The following AUTS2 variants were observed in gnomAD, a reference collection of about 807,000 sequenced individuals.
AUTS2 encodes the protein activator of transcription and developmental regulator AUTS2.
A neutral mutation model predicts 112.4 loss-of-function variants in AUTS2; 17 were observed. The observed-to-expected ratio is 0.15, with a 90% CI of 0.10 to 0.23. The LOEUF is 0.23. Ranked by LOEUF, AUTS2 falls within the 10% of genes least tolerant of loss-of-function variation. AUTS2 has a pLI of 1.00. For synonymous variants in AUTS2, 751 were observed against 702.7 expected (o/e 1.07, Z -1.09); for missense variants, 1,510 against 1,701.6 (o/e 0.89, Z 1.98).
chr7:69,959,485 T>G (rs1255878193), intron 2 of AUTS2, among the ~76,000 whole-genome samples: 3 of 152,154 alleles, frequency 2.0e-5, no homozygotes, highest in Non-Finnish European at 4.4e-5. Flanking sequence ...TCCTAGGTCT[T>G]TGACCTCCTC....
intron 1 of AUTS2, among the ~76,000 whole-genome samples, chr7:69,790,150 A>G (rs1584250603): frequency 6.6e-6 from 1 of 151,976 alleles, no homozygotes; most frequent in East Asian, 1.9e-4. Flanking sequence ...AAATGGCTGA[A>G]TGTGGTGGCA....
intron 5 of AUTS2, among the ~76,000 whole-genome samples, chr7:70,679,059 A>G (rs1437204595): frequency 2.0e-5 from 3 of 152,200 alleles, no homozygotes; most frequent in Non-Finnish European, 4.4e-5. Flanking sequence ...TGCATGGTAT[A>G]TGTAATCATA....
chr7:70,640,572 G>GGTGTGT (rs56257017), intron 5 of AUTS2, among the ~76,000 whole-genome samples: 2,123 of 150,184 alleles, frequency 0.014, 54 homozygotes, highest in East Asian at 0.085. Context: ...CAGAACTAAT[G>GGTGTGT]GTGTGTGTGT....
chr7:70,503,516 ATTTT>A (rs5884783), intron 5 of AUTS2, among the ~76,000 whole-genome samples: 2 of 120,178 alleles, frequency 1.7e-5, no homozygotes, highest in African/African-American at 3.2e-5. Flanking sequence ...CTCCCGTCTC[ATTTT>A]TTTTTTTTTT....
intron 4 of AUTS2, among the ~76,000 whole-genome samples, chr7:70,373,516 C>T (rs758487265): frequency 6.6e-6 from 1 of 152,098 alleles, no homozygotes; most frequent in Admixed American, 6.5e-5. Context: ...CAGGGGTAGG[C>T]ATTTTTCCCA....
chr7:69,828,840 CT>C (rs1259604847), intron 1 of AUTS2, among the ~76,000 whole-genome samples: 1 of 152,098 alleles, frequency 6.6e-6, no homozygotes, highest in Admixed American at 6.6e-5. Flanking sequence ...TTTCAGTATT[CT>C]TTCTGTAAGA....
intron 5 of AUTS2, among the ~76,000 whole-genome samples, chr7:70,534,331 A>G (rs1250422189): frequency 1.3e-5 from 2 of 152,176 alleles, no homozygotes; most frequent in Non-Finnish European, 2.9e-5. Flanking sequence ...AGATTTTTAC[A>G]TTTGAGATTT....
intron 1 of AUTS2, among the ~76,000 whole-genome samples, chr7:69,745,807 G>A (rs572136988): frequency 4.3e-4 from 66 of 152,214 alleles, no homozygotes; most frequent in Non-Finnish European, 9.0e-4. Flanking sequence ...TTCTGTGTGG[G>A]TTTAGTAGAT....
At chr7:70,604,301 G>A (rs1358434548) in intron 5 of AUTS2, among the ~76,000 whole-genome samples, 1 of 152,196 alleles carries the variant, frequency 6.6e-6, no homozygotes, top group African/African-American at 2.4e-5. Context: ...TGGGCCGAGA[G>A]CAAAGTGTCA....
chr7:70,530,889 T>G (rs577592954), intron 5 of AUTS2, among the ~76,000 whole-genome samples: 2 of 152,248 alleles, frequency 1.3e-5, no homozygotes, highest in South Asian at 4.1e-4. Flanking sequence ...TCTTTTTTCT[T>G]GTTCTTATTA....
intron 6 of AUTS2, among the ~76,000 whole-genome samples, chr7:70,750,834 T>C (rs192310650): frequency 1.1e-3 from 167 of 152,326 alleles, no homozygotes; most frequent in African/African-American, 3.7e-3. Context: ...AGGAAGGTGG[T>C]AGATGACGGA....
chr7:69,957,020 G>A (rs371781804), intron 2 of AUTS2, among the ~76,000 whole-genome samples: 1 of 151,242 alleles, frequency 6.6e-6, no homozygotes. Flanking sequence ...GGATCACCAC[G>A]CCTGACTAAG....
intron 5 of AUTS2, among the ~76,000 whole-genome samples, chr7:70,585,621 G>A (rs1339392317): frequency 6.6e-6 from 1 of 152,128 alleles, no homozygotes; most frequent in African/African-American, 2.4e-5. Flanking sequence ...GCCTCAAACA[G>A]CCCCAATTTA....
At chr7:70,707,566 G>A (rs1809804860) in intron 6 of AUTS2, among the ~76,000 whole-genome samples, 1 of 152,150 alleles carries the variant, frequency 6.6e-6, no homozygotes, top group Non-Finnish European at 1.5e-5. Context: ...GAAGACACTG[G>A]CAGGAACCCT....
chr7:70,716,523 C>T (rs535767078), intron 6 of AUTS2, among the ~76,000 whole-genome samples: 1 of 150,116 alleles, frequency 6.7e-6, no homozygotes, highest in East Asian at 2.0e-4. Context: ...GTCCCAGCTA[C>T]TCGGGAAGCT....
intron 6 of AUTS2, among the ~76,000 whole-genome samples, chr7:70,704,707 C>T (rs562209794): frequency 2.6e-5 from 4 of 152,318 alleles, no homozygotes; most frequent in African/African-American, 7.2e-5. Context: ...CTCAATCACG[C>T]GGGCCAACCC....
At chr7:69,986,073 T>C (rs970580236) in intron 2 of AUTS2, among the ~76,000 whole-genome samples, 54 of 152,222 alleles carry the variant, frequency 3.5e-4, no homozygotes, top group Admixed American at 2.9e-3. Flanking sequence ...GCTTTACTTA[T>C]GTCTTACTCT....
chr7:70,541,680 C>A (rs954388117), intron 5 of AUTS2, among the ~76,000 whole-genome samples: 1 of 152,230 alleles, frequency 6.6e-6, no homozygotes, highest in Non-Finnish European at 1.5e-5. Flanking sequence ...ACAGTTGCTT[C>A]CCTCACAATT....
chr7:70,097,513 T>C (rs1325403976), intron 2 of AUTS2, among the ~76,000 whole-genome samples: 1 of 152,246 alleles, frequency 6.6e-6, no homozygotes, highest in East Asian at 1.9e-4. Flanking sequence ...TTCCACATTA[T>C]CAGAGATTGT....
Sources: gnomAD v4.1 joint callset for allele counts (sites outside exome capture counted in the v4.1 genomes callset) on GRCh38, gnomAD v4.1.1 for gene constraint, MANE v1.5 for transcripts, NCBI Gene and HGNC (gene_info 2026-07-23, HGNC 2026-07-21) for gene names.